COL6A5: variants seen among roughly 807,000 people sequenced by gnomAD.
The protein encoded by COL6A5 is collagen type VI alpha 5 chain, also known as collagen alpha-5(VI) chain.
A neutral mutation model predicts 65.6 loss-of-function variants in COL6A5; 48 were observed. The observed-to-expected ratio is 0.73, with a 90% CI of 0.58 to 0.93. COL6A5 has a LOEUF of 0.93. Among genes scored for constraint, COL6A5 ranks in the 40% least tolerant of loss-of-function variants. COL6A5 has a pLI of 0.00. For synonymous variants in COL6A5, 291 were observed against 322.8 expected (o/e 0.90, Z 1.05); for missense variants, 914 against 928.3 (o/e 0.98, Z 0.20).
intron 4 of COL6A5, among the ~76,000 whole-genome samples, chr3:130,383,491 G>A (rs768288125): frequency 6.6e-5 from 10 of 151,850 alleles, no homozygotes; most frequent in South Asian, 2.1e-4. Flanking sequence ...AATGCATTCC[G>A]GTTACTTTCA....
intron 1 of COL6A5, among the ~76,000 whole-genome samples, chr3:130,350,927 A>G (rs999939187): frequency 2.0e-5 from 3 of 152,234 alleles, no homozygotes; most frequent in African/African-American, 7.2e-5. Context: ...ACAAGGCTAC[A>G]GTAACAAAAA....
At chr3:130,417,501 C>T (rs921319042) in intron 24 of COL6A5, among the ~76,000 whole-genome samples, 1 of 152,122 alleles carries the variant, frequency 6.6e-6, no homozygotes. Context: ...CCATCAGAAA[C>T]AACTCTAAAA....
At chr3:130,397,534 C>G (rs961419169) in intron 8 of COL6A5, 49 bp from the exon 9 acceptor site, 29 of 1,427,714 alleles carry the variant, frequency 2.0e-5, no homozygotes, top group Non-Finnish European at 2.7e-5. Context: ...TCTCTCCTTC[C>G]TTACTCCTGT....
At chr3:130,452,447 C>G (rs1032252715) in intron 4 of COL6A5, among the ~76,000 whole-genome samples, 2 of 152,080 alleles carry the variant, frequency 1.3e-5, no homozygotes, top group Admixed American at 1.3e-4. Context: ...GCTGGGCATC[C>G]GGGGGAGACA....
intron 4 of COL6A5, among the ~76,000 whole-genome samples, chr3:130,451,064 A>C (rs1709419714): frequency 6.6e-6 from 1 of 152,148 alleles, no homozygotes; most frequent in African/African-American, 2.4e-5. Context: ...AGTTTGTAAA[A>C]CCATCTTAAC....
rs374512916 is a variant in COL6A5, at chr3:130,397,560, G to T, written c.3569-23G>T. The T allele has an allele frequency of 1.1e-5, 16 of 1,517,786 alleles. No homozygotes were observed. The African/African-American group carries it at 1.2e-4, about 12-fold the overall frequency. 94.0% of individuals were successfully genotyped at this position (1,517,786 alleles called of 1,614,324 possible). On this transcript the variant is annotated intron_variant and NMD_transcript_variant, in intron 8 of 41. Coordinates refer to the COL6A5 transcript ENST00000312481. Reference sequence around the variant, plus strand: ...TTACTCCTGTCTACTCGTTAATCTTGACTCTGTTCCCTTGGTTTCTAGATT... The same window carrying T: ...TTACTCCTGTCTACTCGTTAATCTTTACTCTGTTCCCTTGGTTTCTAGATT...
chr3:130,468,316 A>G (rs1709864319), intron 5 of COL6A5, among the ~76,000 whole-genome samples: 2 of 151,998 alleles, frequency 1.3e-5, no homozygotes, highest in Non-Finnish European at 2.9e-5. Context: ...CTCTCATGAC[A>G]TTGCTCTATG....
intron 17 of COL6A5, among the ~76,000 whole-genome samples, chr3:130,407,003 A>G (rs1937016854): frequency 6.6e-6 from 1 of 152,180 alleles, no homozygotes; most frequent in Non-Finnish European, 1.5e-5. Context: ...ATAGAATTAC[A>G]TAAAATGTGA....
chr3:130,437,602 G>C (rs185513126), intron 1 of COL6A5, among the ~76,000 whole-genome samples: 1 of 152,092 alleles, frequency 6.6e-6, no homozygotes, highest in Non-Finnish European at 1.5e-5. Flanking sequence ...GTCTCTAAAT[G>C]ATCTACCACC....
chr3:130,439,477 C>A (rs1203506752), intron 1 of COL6A5, 45 bp from the exon 34 acceptor site: 6 of 1,440,646 alleles, frequency 4.2e-6, no homozygotes, highest in Non-Finnish European at 5.7e-6. Flanking sequence ...CTACTAGTGA[C>A]TAAAAACAAT....
intron 1 of COL6A5, among the ~76,000 whole-genome samples, chr3:130,437,011 T>A (rs970080977): frequency 6.6e-6 from 1 of 152,084 alleles, no homozygotes; most frequent in Non-Finnish European, 1.5e-5. Flanking sequence ...CTTAACCACA[T>A]CTAAAATGAA....
At chr3:130,408,146 T>A (rs763972752) in intron 17 of COL6A5, among the ~76,000 whole-genome samples, 6 of 152,168 alleles carry the variant, frequency 3.9e-5, no homozygotes, top group Non-Finnish European at 7.3e-5. Context: ...AAAGTCTGAC[T>A]GCCTGCGGGG....
At chr3:130,461,763 CTTT>C (rs112604546) in intron 5 of COL6A5, among the ~76,000 whole-genome samples, 6 of 147,734 alleles carry the variant, frequency 4.1e-5, no homozygotes, top group South Asian at 2.2e-4. Flanking sequence ...TTTAAATTAA[CTTT>C]TTTTTTTTTA....
intron 3 of COL6A5, among the ~76,000 whole-genome samples, chr3:130,378,352 T>C (rs1348919636): frequency 6.6e-6 from 1 of 152,150 alleles, no homozygotes; most frequent in East Asian, 1.9e-4. Context: ...ACTTCCTCTT[T>C]TGTTGTCAAT....
chr3:130,482,677 G>A (rs900205392), intron 7 of COL6A5, among the ~76,000 whole-genome samples: 1 of 152,138 alleles, frequency 6.6e-6, no homozygotes, highest in East Asian at 1.9e-4. Context: ...CTATCCCTGA[G>A]CATGCAATGT....
chr3:130,371,610 G>T (rs987564830), intron 1 of COL6A5, among the ~76,000 whole-genome samples: 93 of 151,272 alleles, frequency 6.1e-4, no homozygotes, highest in African/African-American at 1.7e-3. Context: ...TAGGACAACG[G>T]TAATTGTATA....
intron 7 of COL6A5, among the ~76,000 whole-genome samples, chr3:130,477,994 C>G (rs1294783917): frequency 5.3e-5 from 8 of 152,054 alleles, no homozygotes; most frequent in Non-Finnish European, 7.4e-5. Context: ...CTTCAGGAAA[C>G]AGGAGTTGAA....
chr3:130,415,599 C>T, intron 22 of COL6A5, 46 bp from the exon 23 acceptor site: 1 of 1,503,646 alleles, frequency 6.7e-7, no homozygotes, highest in Non-Finnish European at 9.0e-7. Context: ...GAGAAGTAAG[C>T]TTTCATTGAC....
At chr3:130,357,358 G>A (rs1355556661) in intron 1 of COL6A5, among the ~76,000 whole-genome samples, 1 of 152,184 alleles carries the variant, frequency 6.6e-6, no homozygotes, top group Non-Finnish European at 1.5e-5. Context: ...GGCCTTGTCG[G>A]TATATGGGTA....
Sources: allele counts gnomAD v4.1 joint callset (sites outside exome capture counted in the v4.1 genomes callset), GRCh38; gene constraint gnomAD v4.1.1; transcripts MANE v1.5; gene names NCBI Gene and HGNC (gene_info 2026-07-23, HGNC 2026-07-21).